The following SLC44A1 variants were observed in gnomAD, a reference collection of about 807,000 sequenced individuals.
The protein encoded by SLC44A1 is solute carrier family 44 member 1, also known as choline transporter-like protein 1.
Under a neutral mutation model 79.3 loss-of-function variants are expected in SLC44A1, and 26 were observed. The observed-to-expected ratio is 0.33, with a 90% CI of 0.24 to 0.46. The LOEUF is 0.46. SLC44A1 is among the 20% of genes least tolerant of loss of function. The pLI, the probability that SLC44A1 is intolerant of heterozygous loss-of-function variation, is 1.00. For missense variants in SLC44A1, 688 were observed against 798.1 expected (o/e 0.86, Z 1.66); for synonymous variants, 263 against 286.2 (o/e 0.92, Z 0.82).
downstream of SLC44A1, among the ~76,000 whole-genome samples, chr9:105,401,709 G>A (rs1278824205): frequency 6.6e-6 from 1 of 152,190 alleles, no homozygotes. Flanking sequence ...ATTGTGATGT[G>A]TGAGGCCCAT....
At chr9:105,358,242 A>C in intron 6 of SLC44A1, 102 bp from the exon 7 acceptor site, 1 of 677,524 alleles carries the variant, frequency 1.5e-6, no homozygotes, top group South Asian at 2.0e-5. Context: ...CAATAGCAAC[A>C]GATTATTTCC....
intron 15 of SLC44A1, among the ~76,000 whole-genome samples, chr9:105,424,963 GAAAAGAAA>G (rs1829301709): frequency 7.6e-6 from 1 of 131,006 alleles, no homozygotes; most frequent in Admixed American, 7.1e-5. Context: ...AAAAAAAAAA[GAAAAGAAA>G]GAAAGAAAGA....
intron 1 of SLC44A1, among the ~76,000 whole-genome samples, chr9:105,268,949 A>G (rs893750060): frequency 1.3e-5 from 2 of 152,216 alleles, no homozygotes; most frequent in Non-Finnish European, 2.9e-5. Flanking sequence ...AAAGCTCTTA[A>G]GAAAGCCAGC....
At chr9:105,343,983 A>T (rs1588806627) in intron 4 of SLC44A1, among the ~76,000 whole-genome samples, 1 of 152,178 alleles carries the variant, frequency 6.6e-6, no homozygotes, top group Non-Finnish European at 1.5e-5. Context: ...AAATATGTCC[A>T]TATTTTTCAT....
In SLC44A1 at chr9:105,272,804, T is replaced by G. The variant is rs16924397; in HGVS notation, c.37-26416T>G. On this transcript the variant is annotated intron_variant, in intron 1 of 15. Coordinates refer to ENST00000374720, the MANE Select transcript of SLC44A1 (RefSeq NM_080546.5). The stretch of plus-strand genomic sequence containing the variant: ...CATTGTCTAGCACAAATGCTGAAAG[T>G]AGGTCTCCTCATCTGCTAAGGGATA... Among the ~76,000 whole-genome samples the G allele has an allele frequency of 4.5e-4, 68 of 152,268 alleles. No homozygotes were observed. In the East Asian group the frequency reaches 0.011, roughly 25 times the overall value.
At chr9:105,378,208 C>G (rs1310782861) in intron 13 of SLC44A1, among the ~76,000 whole-genome samples, 2 of 152,206 alleles carry the variant, frequency 1.3e-5, no homozygotes, top group African/African-American at 2.4e-5. Flanking sequence ...GAGATAGCGC[C>G]ACTGCACTGC....
intron 4 of SLC44A1, among the ~76,000 whole-genome samples, chr9:105,342,760 A>G (rs1017049555): frequency 6.6e-6 from 1 of 152,162 alleles, no homozygotes; most frequent in African/African-American, 2.4e-5. Flanking sequence ...ATTGGTAGCT[A>G]TTGTATGCCA....
At chr9:105,374,779 A>C (rs762946382) in intron 13 of SLC44A1, 44 bp downstream of exon 13, 1 of 1,488,384 alleles carries the variant, frequency 6.7e-7, no homozygotes, top group South Asian at 1.2e-5. Context: ...AAAATTTTGC[A>C]TATATTTATT....
intron 5 of SLC44A1, among the ~76,000 whole-genome samples, chr9:105,351,628 G>GAA (rs1387802429): frequency 9.8e-4 from 43 of 43,982 alleles, no homozygotes; most frequent in East Asian, 1.5e-3. Context: ...GAAAGAGAGA[G>GAA]AAAGAGAAAG....
intron 15 of SLC44A1, among the ~76,000 whole-genome samples, chr9:105,432,660 G>A (rs1448095232): frequency 6.6e-6 from 1 of 152,152 alleles, no homozygotes; most frequent in African/African-American, 2.4e-5. Context: ...TATAGTTTGT[G>A]TCTGGTAATG....
At chr9:105,421,021 A>C (rs1035275908) in intron 15 of SLC44A1, among the ~76,000 whole-genome samples, 2 of 152,202 alleles carry the variant, frequency 1.3e-5, no homozygotes, top group African/African-American at 4.8e-5. Flanking sequence ...AAAATGTTGA[A>C]TAAAGTAACA....
chr9:105,372,822 C>T (rs921213421), intron 12 of SLC44A1, among the ~76,000 whole-genome samples: 3 of 146,520 alleles, frequency 2.0e-5, no homozygotes, highest in Non-Finnish European at 4.6e-5. Flanking sequence ...TAGTGGCGGG[C>T]GCCTGTAGTC....
chr9:105,324,272 A>G (rs1374010457), intron 3 of SLC44A1, among the ~76,000 whole-genome samples: 1 of 147,862 alleles, frequency 6.8e-6, no homozygotes, highest in Non-Finnish European at 1.5e-5. Context: ...TTTTTTAAAG[A>G]CAGAGTTTCA....
intron 12 of SLC44A1, among the ~76,000 whole-genome samples, chr9:105,374,007 G>A (rs1327921968): frequency 6.6e-6 from 1 of 152,206 alleles, no homozygotes; most frequent in Non-Finnish European, 1.5e-5. Flanking sequence ...CTGGGATTGA[G>A]ACAGGGAATG....
intron 4 of SLC44A1, among the ~76,000 whole-genome samples, chr9:105,344,039 G>A (rs879378993): frequency 3.3e-5 from 5 of 152,104 alleles, no homozygotes; most frequent in Admixed American, 3.3e-4. Context: ...CATTCTCCCA[G>A]CATGTAGTGT....
At chr9:105,261,050 A>G (rs1829827565) in intron 1 of SLC44A1, among the ~76,000 whole-genome samples, 2 of 152,206 alleles carry the variant, frequency 1.3e-5, no homozygotes, top group African/African-American at 4.8e-5. Context: ...TTGCCAATGG[A>G]GAGAAATGGG....
chr9:105,389,955 G>A lies in SLC44A1; in HGVS notation c.*899G>A. ...AAGGGACAGAAACATGGAACATAAA[G>A]CATTGAAAATTCCGGTGCTTGGGCT... On this transcript the variant is annotated 3_prime_UTR_variant, in exon 16 of 16. Coordinates refer to ENST00000374720, the MANE Select transcript of SLC44A1 (RefSeq NM_080546.5). 6.7e-7 allele frequency: 1 copy of A among 1,493,724 alleles called. No homozygotes were observed. The highest frequency in any genetic ancestry group is 1.3e-5 in the South Asian group (1 of 74,276). The allele number at this position is 1,493,724 out of a possible 1,614,324, so 92.5% of individuals were successfully genotyped here.
chr9:105,263,966 A>C (rs1019340330), intron 1 of SLC44A1, among the ~76,000 whole-genome samples: 2 of 151,922 alleles, frequency 1.3e-5, no homozygotes, highest in African/African-American at 4.8e-5. Context: ...TTTTCCCCCT[A>C]TATATCTTTA....
chr9:105,393,826 AC>A lies in SLC44A1; in HGVS notation c.*4771del, dbSNP rs1828819086. ...TTCTTCAGTTTTGATGCTCAGTTTTACAACTTAAATGATTTTCTCCAGGACA... is the reference window on the plus strand; with the variant it reads ...TTCTTCAGTTTTGATGCTCAGTTTTAAACTTAAATGATTTTCTCCAGGACA... On this transcript the variant is annotated 3_prime_UTR_variant, in exon 16 of 16. Coordinates refer to ENST00000374720, the MANE Select transcript of SLC44A1 (RefSeq NM_080546.5). 1.0e-6 allele frequency: 1 copy of A among 984,886 alleles called. No individual in the cohort carries two copies. The highest frequency in any genetic ancestry group is 1.7e-5 in the African/African-American group (1 of 57,240). The allele number at this position is 984,886 out of a possible 1,614,324, so 61.0% of individuals were successfully genotyped here.
Sources: allele counts gnomAD v4.1 joint callset (sites outside exome capture counted in the v4.1 genomes callset), GRCh38; gene constraint gnomAD v4.1.1; transcripts MANE v1.5; gene names NCBI Gene and HGNC (gene_info 2026-07-23, HGNC 2026-07-21).